The following ERBB4 variants were observed in gnomAD, a reference collection of about 807,000 sequenced individuals.
ERBB4 encodes the protein receptor tyrosine-protein kinase erbB-4.
In ERBB4, 42 loss-of-function variants were observed where a neutral mutation model predicts 158.0. The ratio of observed to expected loss-of-function variants is 0.27; its 90% CI spans 0.21 to 0.34. The LOEUF is 0.34. Among genes scored for constraint, ERBB4 ranks in the 10% least tolerant of loss-of-function variants. The probability of loss-of-function intolerance (pLI) is 1.00; values close to 1 mark genes in which losing one functional copy is unlikely to be tolerated. For missense variants in ERBB4, 1,333 were observed against 1,624.1 expected (o/e 0.82, Z 3.08); for synonymous variants, 583 against 558.7 (o/e 1.04, Z -0.61).
chr2:211,757,809 C>T (rs1011608132), intron 4 of ERBB4, among the ~76,000 whole-genome samples: 5 of 152,248 alleles, frequency 3.3e-5, no homozygotes, highest in African/African-American at 7.2e-5. Flanking sequence ...TTCCTGAGGC[C>T]TTCTGGAAAC....
chr2:212,534,921 C>G (rs540521554), intron 1 of ERBB4, among the ~76,000 whole-genome samples: 49 of 152,260 alleles, frequency 3.2e-4, no homozygotes, highest in Non-Finnish European at 4.1e-4. Context: ...AAATCTTCCA[C>G]AAAGTTCATG....
intron 1 of ERBB4, among the ~76,000 whole-genome samples, chr2:212,318,996 T>C (rs989446823): frequency 5.9e-5 from 9 of 151,562 alleles, no homozygotes; most frequent in African/African-American, 1.9e-4. Flanking sequence ...ATAATAGATA[T>C]ACCACACTTT....
chr2:211,814,378 A>G (rs2076831459), intron 3 of ERBB4, among the ~76,000 whole-genome samples: 1 of 152,220 alleles, frequency 6.6e-6, no homozygotes, highest in Non-Finnish European at 1.5e-5. Flanking sequence ...AACATAAGGC[A>G]TGTAATATAT....
At chr2:211,676,676 T>C (rs916843992) in intron 13 of ERBB4, among the ~76,000 whole-genome samples, 8 of 152,168 alleles carry the variant, frequency 5.3e-5, no homozygotes, top group South Asian at 2.1e-4. Flanking sequence ...TTAAACCAGT[T>C]CCCTATATTT....
chr2:211,814,614 C>A (rs148481650), intron 3 of ERBB4, among the ~76,000 whole-genome samples: 1 of 151,550 alleles, frequency 6.6e-6, no homozygotes, highest in Non-Finnish European at 1.5e-5. Flanking sequence ...GGCATTTTAG[C>A]GAGACAGATA....
chr2:212,323,495 A>G (rs2087666362), intron 1 of ERBB4, among the ~76,000 whole-genome samples: 4 of 150,420 alleles, frequency 2.7e-5, no homozygotes, highest in African/African-American at 9.7e-5. Flanking sequence ...GTAAAGAAAA[A>G]TCATCAATAT....
At chr2:212,231,057 G>T (rs1028701241) in intron 1 of ERBB4, among the ~76,000 whole-genome samples, 23 of 152,256 alleles carry the variant, frequency 1.5e-4, no homozygotes, top group African/African-American at 5.5e-4. Flanking sequence ...TATAGTTAGG[G>T]TGTAGATATG....
intron 19 of ERBB4, 140 bp downstream of exon 19, chr2:211,619,037 A>C: frequency 1.5e-6 from 1 of 647,162 alleles, no homozygotes; most frequent in Non-Finnish European, 2.8e-6. Context: ...TGGTCTTAGA[A>C]ATGTCTTTAA....
At chr2:211,403,134 C>G (rs1359813630) in intron 25 of ERBB4, among the ~76,000 whole-genome samples, 1 of 152,072 alleles carries the variant, frequency 6.6e-6, no homozygotes, top group African/African-American at 2.4e-5. Context: ...CTCCACAAAA[C>G]CTGGACTGCC....
intron 2 of ERBB4, among the ~76,000 whole-genome samples, chr2:212,044,822 T>C (rs143280360): frequency 4.7e-4 from 71 of 152,280 alleles, no homozygotes; most frequent in African/African-American, 1.5e-3. Context: ...ATGACCCTGA[T>C]TGAAGCTGAA....
intron 3 of ERBB4, among the ~76,000 whole-genome samples, chr2:211,920,159 T>TCACCTTA (rs1169532073): frequency 1.3e-5 from 2 of 151,988 alleles, no homozygotes; most frequent in African/African-American, 4.8e-5. Context: ...TGATTTAGGG[T>TCACCTTA]CACCTTACAG....
chr2:212,258,480 T>C (rs568231125), intron 1 of ERBB4, among the ~76,000 whole-genome samples: 1 of 151,466 alleles, frequency 6.6e-6, no homozygotes, highest in Non-Finnish European at 1.5e-5. Flanking sequence ...AACAAAAATA[T>C]TGACCCTAAA....
chr2:212,310,669 T>C (rs1158821654), intron 1 of ERBB4, among the ~76,000 whole-genome samples: 1 of 149,530 alleles, frequency 6.7e-6, no homozygotes, highest in Non-Finnish European at 1.5e-5. Context: ...CAGAAGTTTA[T>C]AGTCCAAACT....
At chr2:211,596,911 C>G in intron 19 of ERBB4, among the ~76,000 whole-genome samples, 1 of 152,186 alleles carries the variant, frequency 6.6e-6, no homozygotes, top group South Asian at 2.1e-4. Context: ...ATTACACGTG[C>G]CTGCCACCAT....
rs1553585905 is a variant in ERBB4, at chr2:212,188,239, C to CCT, written c.83-63337_83-63336insAG. ...CTCTCTCTCTCTCTCTCTCTCCCCC[C>CCT]CCCTCTCACCCCCTCCCTCCCTCCC... On this transcript the variant is annotated intron_variant, in intron 1 of 27. Transcript: ENST00000342788. Among the ~76,000 whole-genome samples the CCT allele has an allele frequency of 6.0e-3, 86 of 14,370 alleles. 16 individuals are homozygous for CCT. Among genetic ancestry groups the CCT allele is most frequent in the African/African-American group, 0.021 (76 of 3,686 alleles). 9.4% of individuals were successfully genotyped at this position (14,370 alleles called of 152,430 possible).
In ERBB4 at chr2:212,181,940, A is replaced by G. The variant is rs375853718; in HGVS notation, c.83-57037T>C. 3.3e-5 allele frequency among the ~76,000 whole-genome samples: 5 copies of G among 151,908 alleles called. No individual in the cohort carries two copies. The South Asian group carries it at 1.0e-3, about 31-fold the overall frequency. On this transcript the variant is annotated intron_variant, in intron 1 of 27. Transcript: ENST00000342788. ...CATGGGTTAGAAATACTTTTGTGAG[A>G]TAACTGATACACTACAAAAAATGCT...
chr2:212,105,454 AG>A (rs2079197442), intron 2 of ERBB4, among the ~76,000 whole-genome samples: 1 of 152,210 alleles, frequency 6.6e-6, no homozygotes, highest in South Asian at 2.1e-4. Context: ...CCGTTTTCAA[AG>A]GAGAAACAAA....
chr2:212,428,200 A>G (rs1211270211), intron 1 of ERBB4, among the ~76,000 whole-genome samples: 1 of 152,198 alleles, frequency 6.6e-6, no homozygotes, highest in Admixed American at 6.5e-5. Context: ...AGGAAATGAT[A>G]ATAATATTTA....
intron 17 of ERBB4, among the ~76,000 whole-genome samples, chr2:211,630,099 A>T (rs974946891): frequency 1.3e-5 from 2 of 152,224 alleles, no homozygotes; most frequent in African/African-American, 4.8e-5. Flanking sequence ...CTACCAACAG[A>T]GTGAACAGGC....
Sources: allele counts gnomAD v4.1 joint callset (sites outside exome capture counted in the v4.1 genomes callset), GRCh38; gene constraint gnomAD v4.1.1; transcripts MANE v1.5; gene names NCBI Gene and HGNC (gene_info 2026-07-23, HGNC 2026-07-21).